Variants in DCAF15 observed in about 807,000 individuals in gnomAD.
DCAF15 encodes the protein DDB1 and CUL4 associated factor 15.
A neutral mutation model predicts 68.0 loss-of-function variants in DCAF15; 24 were observed. That is an observed-to-expected ratio of 0.35 (90% CI 0.26 to 0.50). DCAF15 has a LOEUF of 0.50. Among genes scored for constraint, DCAF15 ranks in the 20% least tolerant of loss-of-function variants. The probability of loss-of-function intolerance (pLI) is 0.98; values close to 1 mark genes in which losing one functional copy is unlikely to be tolerated. For missense variants in DCAF15, 627 were observed against 830.6 expected, an observed-to-expected ratio of 0.75 and a Z score of 3.01; for synonymous variants, 376 against 341.6, an observed-to-expected ratio of 1.10 and a Z score of -1.11.
chr19:13,955,926 G>A lies in DCAF15; in HGVS notation c.381G>A (p.Arg127=). The change falls in exon 4 of 13, where the codon CGG becomes CGA. Residue 127 remains arginine (R), a synonymous_variant. Transcript: ENST00000254337. Reference sequence around the variant, plus strand: ...GTGCCTCACAGGTCCGGCAGGTTCGGCTATTCCAGGACGAGGAGATCTACA... The same window carrying A: ...GTGCCTCACAGGTCCGGCAGGTTCGACTATTCCAGGACGAGGAGATCTACA... ...HSKLKLVRQV[R]LFQDEEIYSD... is the part of the protein sequence containing the mutation. 1 of 1,613,718 alleles carries A rather than the reference G, an allele frequency of 6.2e-7. No individual in the cohort carries two copies. Among genetic ancestry groups the A allele is most frequent in the South Asian group, 1.1e-5 (1 of 91,086 alleles).
intron 1 of DCAF15, among the ~76,000 whole-genome samples, chr19:13,953,965 G>C (rs1318631759): frequency 6.6e-6 from 1 of 152,218 alleles, no homozygotes; most frequent in East Asian, 1.9e-4. Context: ...TCCTTAGTAG[G>C]ATAAATACCC....
rs1207104705 is a variant in DCAF15, at chr19:13,959,266, G to A, written c.1006G>A (p.Gly336Ser). 1 of 1,611,800 alleles carries A rather than the reference G, an allele frequency of 6.2e-7. No individual in the cohort carries two copies. Among genetic ancestry groups the A allele is most frequent in the African/African-American group, 1.3e-5 (1 of 74,916 alleles). ...CTTCCGCCGGGCCAAAGAGGCCAAG[G>A]GCGGGGTCCCTGAGGAAGCCCGGCC... ...DIFRRAKEAK[G>S]GVPEEARPAL... Residue 336 changes from glycine to serine, a missense_variant, in exon 7 of 13, where the codon GGC becomes AGC. Physicochemically the swap from Gly to Ser is moderately conservative, Grantham distance 56 (BLOSUM62 0). Coordinates refer to ENST00000254337, the MANE Select transcript of DCAF15 (RefSeq NM_138353.4).
rs377108660 is a variant in DCAF15 at position 13,956,319 on chromosome 19, G to A, written c.614-33G>A. ...CCCCCTCCCCCCCTTGCTCCGGGCC[G>A]AGAGTGAGCTGCTGTGGCGTGTGTT... On this transcript the variant is annotated intron_variant, in intron 5 of 12. Coordinates refer to ENST00000254337, the MANE Select transcript of DCAF15 (RefSeq NM_138353.4). 77 of 1,612,386 alleles carry A rather than the reference G, an allele frequency of 4.8e-5. No homozygotes were observed. In the African/African-American group the frequency reaches 5.1e-4, roughly 11 times the overall value.
At chr19:13,953,788 G>A (rs1340607702) in intron 1 of DCAF15, among the ~76,000 whole-genome samples, 1 of 152,222 alleles carries the variant, frequency 6.6e-6, no homozygotes, top group Non-Finnish European at 1.5e-5. Context: ...TTGGAAGGCG[G>A]TAGTTAATTG....
intron 2 of DCAF15, 38 bp downstream of exon 2, chr19:13,954,475 G>C (rs751836290): frequency 3.7e-6 from 6 of 1,611,994 alleles, no homozygotes; most frequent in Non-Finnish European, 5.1e-6. Context: ...AGGTGGGCGG[G>C]AGTGGTGGGC....
intron 3 of DCAF15, among the ~76,000 whole-genome samples, chr19:13,955,552 T>C (rs1242114136): frequency 6.6e-6 from 1 of 152,248 alleles, no homozygotes; most frequent in Non-Finnish European, 1.5e-5. Context: ...CAGGCCACCC[T>C]GGCTTTAGCC....
chr19:13,953,094 A>G lies in DCAF15; in HGVS notation c.132+450A>G, dbSNP rs1414273490. 4 of 1,550,544 alleles carry G rather than the reference A, an allele frequency of 2.6e-6. No individual in the cohort carries two copies. The African/African-American group carries it at 5.5e-5, about 21-fold the overall frequency. Reference sequence around the variant, plus strand: ...TCCTCTCCCTGCCCAAGCCCCGACCACACATGAGCTGGGAGTTCCAGTACC... The same window carrying G: ...TCCTCTCCCTGCCCAAGCCCCGACCGCACATGAGCTGGGAGTTCCAGTACC... On this transcript the variant is annotated intron_variant, in intron 1 of 12. Transcript: ENST00000254337.
intron 3 of DCAF15, 54 bp from the exon 4 acceptor site, chr19:13,955,858 G>T: frequency 6.3e-7 from 1 of 1,587,280 alleles, no homozygotes. Flanking sequence ...GTACAGCTTC[G>T]GGGGACCTCC....
In DCAF15 at chr19:13,959,141, C is replaced by T. The variant is rs1203124104; in HGVS notation, c.881C>T (p.Ala294Val). ...CCCCAGAGCCCAGAGCTGCCCCCTG[C>T]CCTCCCCAGCTTCTGCCCTGAGGCG... is the stretch of plus-strand genomic sequence containing the variant. ...PEPQSPELPP[A>V]LPSFCPEAAP... The change falls in exon 7 of 13, where the codon GCC becomes GTC. Residue 294 changes from alanine to valine, a missense_variant. Transcript: ENST00000254337. The T allele has an allele frequency of 1.3e-5, 21 of 1,612,622 alleles. No individual in the cohort carries two copies. Among genetic ancestry groups the T allele is most frequent in the Non-Finnish European group, 1.7e-5 (20 of 1,179,866 alleles).
Position 13,961,255 on chromosome 19 carries a change from G to GAGCTGGGCATGGGCCTGGC in DCAF15, c.*261_*279dup, listed in dbSNP as rs1225567788. ...AGCCTGAGTGCCCCGCCTTCACCCC[G>GAGCTGGGCATGGGCCTGGC]AGCTGGGCATGGGCCTGGCCCCTCG... On this transcript the variant is annotated 3_prime_UTR_variant, in exon 13 of 13. Transcript: ENST00000254337. 1.8e-6 allele frequency: 1 copy of GAGCTGGGCATGGGCCTGGC among 561,936 alleles called. No individual in the cohort carries two copies. The highest frequency in any genetic ancestry group is 1.9e-5 in the African/African-American group (1 of 52,732). 34.8% of individuals were successfully genotyped at this position (561,936 alleles called of 1,614,324 possible).
At chr19:13,955,677 C>T (rs1018109806) in intron 3 of DCAF15, among the ~76,000 whole-genome samples, 1 of 152,156 alleles carries the variant, frequency 6.6e-6, no homozygotes, top group Non-Finnish European at 1.5e-5. Flanking sequence ...CAGTGCCTGG[C>T]GCAGTCTCCC....
At chr19:13,955,013 G>GGAGGA (rs906839598) in intron 3 of DCAF15, among the ~76,000 whole-genome samples, 2 of 152,206 alleles carry the variant, frequency 1.3e-5, no homozygotes, top group Non-Finnish European at 2.9e-5. Context: ...GGCTGAGGCA[G>GGAGGA]GAGGATCACC....
At chr19:13,952,682 G>C in intron 1 of DCAF15, 38 bp downstream of exon 1, 2 of 1,294,780 alleles carry the variant, frequency 1.5e-6, no homozygotes, top group Non-Finnish European at 2.0e-6. Context: ...GCGCCGGAGG[G>C]TGGGGAGTAG....
chr19:13,960,605 G>A (rs933135392), intron 12 of DCAF15, 25 bp downstream of exon 12: 9 of 1,539,062 alleles, frequency 5.8e-6, no homozygotes, highest in East Asian at 2.4e-5. Context: ...CCCCGTGATG[G>A]TCAGGGTCAC....
In DCAF15 at chr19:13,959,899, G is replaced by GGCCCAGGGCGGGCAGGGTGT; in HGVS notation, c.1440+23_1440+24insTGCCCAGGGCGGGCAGGGTG. Reference sequence around the variant, plus strand: ...CTATGACATCGTCATTCTGGAGGTGGGCCCAGGGCGGGCAGGGTGGGCCCA... The same window carrying GGCCCAGGGCGGGCAGGGTGT: ...CTATGACATCGTCATTCTGGAGGTGGGCCCAGGGCGGGCAGGGTGTGCCCAGGGCGGGCAGGGTGGGCCCA... On this transcript the variant is annotated splice_donor_region_variant and intron_variant, in intron 9 of 12. Coordinates refer to ENST00000254337, the MANE Select transcript of DCAF15 (RefSeq NM_138353.4). 2 of 1,612,222 alleles carry GGCCCAGGGCGGGCAGGGTGT rather than the reference G, an allele frequency of 1.2e-6. No individual in the cohort carries two copies. The highest frequency in any genetic ancestry group is 2.2e-5 in the East Asian group (1 of 44,868).
chr19:13,952,546 G>C lies in DCAF15; in HGVS notation c.34G>C (p.Gly12Arg). The change falls in exon 1 of 13, where the codon GGG becomes CGG. Residue 12 changes from glycine (G) to arginine (R), a missense_variant. By Grantham distance (125) the Gly-to-Arg change is moderately radical. Around this residue, in one of 3 missense-constraint regions of DCAF15, gnomAD observed 273 missense variants for 393.7 expected, o/e 0.69. Coordinates refer to ENST00000254337, the MANE Select transcript of DCAF15 (RefSeq NM_138353.4). The part of the protein sequence containing the change: ...APSSKSERNS[G>R]AGSGGGGPGG... The stretch of plus-strand genomic sequence containing the variant: ...CAGCTCGAAATCGGAGCGGAACAGC[G>C]GGGCTGGGAGCGGCGGCGGCGGCCC... 7.9e-7 allele frequency: 1 copy of C among 1,261,990 alleles called. No homozygotes were observed. Among genetic ancestry groups the C allele is most frequent in the Non-Finnish European group, 1.0e-6 (1 of 998,302 alleles). The allele number at this position is 1,261,990 out of a possible 1,614,324, so 78.2% of individuals were successfully genotyped here. A position where few individuals can be genotyped will look rare whatever the true frequency, so the allele number is the denominator to read the frequency against.
chr19:13,957,564 G>C (rs1261544959), intron 6 of DCAF15, among the ~76,000 whole-genome samples: 1 of 152,180 alleles, frequency 6.6e-6, no homozygotes, highest in Non-Finnish European at 1.5e-5. Flanking sequence ...GCGTGCACAT[G>C]TGGGTGAAAC....
At chr19:13,956,292 TC>T (rs763551244) in intron 5 of DCAF15, 30 bp downstream of exon 5, 19 of 1,610,810 alleles carry the variant, frequency 1.2e-5, no homozygotes, top group Admixed American at 8.3e-5. Flanking sequence ...GAGGGCCTCT[TC>T]CCCCCTCCCC....
Position 13,960,315 on chromosome 19 carries a change from G to T in DCAF15, c.1555G>T (p.Val519Leu). The T allele has an allele frequency of 6.2e-7, 1 of 1,614,080 alleles. No homozygotes were observed. The highest frequency in any genetic ancestry group is 8.5e-7 in the Non-Finnish European group (1 of 1,180,028). ...AAAGACCTATCACACCAGCCTCAAG[G>T]TGGCATGGGACCTCAACACAGGGAT... ...RPKTYHTSLK[V>L]AWDLNTGIFE... Residue 519 changes from valine (V) to leucine (L), a missense_variant, in exon 11 of 13, where the codon GTG becomes TTG. By Grantham distance (32) the Val-to-Leu change is conservative (BLOSUM62 1). Coordinates refer to ENST00000254337, the MANE Select transcript of DCAF15 (RefSeq NM_138353.4).
Sources: gnomAD v4.1 joint callset for allele counts (sites outside exome capture counted in the v4.1 genomes callset) on GRCh38, gnomAD v4.1.1 for gene constraint, gnomAD v4.1.1 regional missense constraint, MANE v1.5 for transcripts, NCBI Gene and HGNC (gene_info 2026-07-23, HGNC 2026-07-21) for gene names.